Variants in DAB1 observed in about 807,000 individuals in gnomAD.
The protein encoded by DAB1 is DAB adaptor protein 1.
A neutral mutation model predicts 64.6 loss-of-function variants in DAB1; 15 were observed. The ratio of observed to expected loss-of-function variants is 0.23; its 90% CI spans 0.16 to 0.36. The LOEUF (loss-of-function observed/expected upper bound fraction) is 0.36, where lower values mean the gene tolerates loss of function less well. Ranked by LOEUF, DAB1 falls within the 10% of genes least tolerant of loss-of-function variation. DAB1 has a pLI of 1.00. For missense variants in DAB1, 596 were observed against 706.7 expected, an observed-to-expected ratio of 0.84 and a Z score of 1.78; for synonymous variants, 235 against 251.9, an observed-to-expected ratio of 0.93 and a Z score of 0.64.
chr1:57,324,894 C>T (rs1399034444), intron 1 of DAB1, among the ~76,000 whole-genome samples: 3 of 152,238 alleles, frequency 2.0e-5, no homozygotes, highest in Non-Finnish European at 2.9e-5. Context: ...GTTCCAGCCA[C>T]TCTGTGTGTA....
chr1:58,423,536 C>T (rs1003492421), intron 3 of DAB1, among the ~76,000 whole-genome samples: 4 of 152,182 alleles, frequency 2.6e-5, no homozygotes, highest in East Asian at 3.9e-4. Flanking sequence ...GCCATGAGGC[C>T]GACCTCCAAG....
At chr1:57,570,481 A>G (rs532283830) in intron 7 of DAB1, among the ~76,000 whole-genome samples, 3 of 151,976 alleles carry the variant, frequency 2.0e-5, no homozygotes, top group African/African-American at 7.2e-5. Flanking sequence ...AGATTAGTTG[A>G]CTGTAAGTAT....
intron 5 of DAB1, among the ~76,000 whole-genome samples, chr1:58,080,636 G>T (rs981119625): frequency 6.6e-6 from 1 of 152,208 alleles, no homozygotes; most frequent in African/African-American, 2.4e-5. Flanking sequence ...TTTGGGCTGT[G>T]CCTCTCATTC....
At position 57,871,970 on chromosome 1, in the gene DAB1, T is replaced by G. The variant is rs12077887; in HGVS notation, n.87+12029A>C. 9.3e-3 allele frequency among the ~76,000 whole-genome samples: 1,420 copies of G among 152,248 alleles called. 27 individuals are homozygous for G. Among genetic ancestry groups the G allele is most frequent in the African/African-American group, 0.033 (1,367 of 41,542 alleles). Reference sequence around the variant, plus strand: ...AGTCAGACTCTGCTATTTAGGGGACTGTGACTTGGAGCAGGTATTGTATAG... The same window carrying G: ...AGTCAGACTCTGCTATTTAGGGGACGGTGACTTGGAGCAGGTATTGTATAG... On this transcript the variant is annotated intron_variant and non_coding_transcript_variant, in intron 1 of 1. Coordinates refer to the DAB1 transcript ENST00000477280.
intron 9 of DAB1, among the ~76,000 whole-genome samples, chr1:57,051,621 CA>C: frequency 6.6e-6 from 1 of 152,070 alleles, no homozygotes; most frequent in Admixed American, 6.5e-5. Flanking sequence ...TGCAGGGTGG[CA>C]ATATGAGAAT....
intron 5 of DAB1, among the ~76,000 whole-genome samples, chr1:57,991,859 A>AAAG (rs1157796492): frequency 2.7e-5 from 4 of 150,346 alleles, no homozygotes; most frequent in African/African-American, 7.3e-5. Flanking sequence ...AAAAAAAAAA[A>AAAG]AAAAAAAAAA....
intron 3 of DAB1, among the ~76,000 whole-genome samples, chr1:58,433,586 AGAGAGAGAGAGT>A (rs1435915461): frequency 1.1e-4 from 13 of 114,044 alleles, no homozygotes; most frequent in East Asian, 8.0e-4. Context: ...AGAGAGAGAG[AGAGAGAGAGAGT>A]GTGTGTGTGT....
At chr1:58,367,815 T>C (rs892581031) in intron 3 of DAB1, among the ~76,000 whole-genome samples, 5 of 152,184 alleles carry the variant, frequency 3.3e-5, no homozygotes, top group African/African-American at 1.2e-4. Flanking sequence ...GGCTCATTAA[T>C]GCTACTATAT....
chr1:57,778,542 T>C (rs1209203340), intron 6 of DAB1, among the ~76,000 whole-genome samples: 1 of 152,004 alleles, frequency 6.6e-6, no homozygotes, highest in Non-Finnish European at 1.5e-5. Flanking sequence ...TTTCTAGTTG[T>C]TTGTAGTACA....
chr1:57,536,318 G>T (rs1644727348), intron 7 of DAB1, among the ~76,000 whole-genome samples: 1 of 152,178 alleles, frequency 6.6e-6, no homozygotes, highest in Non-Finnish European at 1.5e-5. Flanking sequence ...CAAAAAAGCA[G>T]GACAGATTTC....
chr1:58,526,314 G>C (rs1003643605), intron 2 of DAB1, among the ~76,000 whole-genome samples: 1 of 152,024 alleles, frequency 6.6e-6, no homozygotes, highest in African/African-American at 2.4e-5. Context: ...CTTGATTTAT[G>C]AAATTAAATC....
intron 3 of DAB1, among the ~76,000 whole-genome samples, chr1:58,362,440 C>T (rs1221042620): frequency 6.6e-6 from 1 of 152,184 alleles, no homozygotes; most frequent in African/African-American, 2.4e-5. Context: ...TGAAAAGAAG[C>T]TCAAGTGAGA....
chr1:57,165,926 C>T (rs1002155042), intron 2 of DAB1, among the ~76,000 whole-genome samples: 58 of 152,100 alleles, frequency 3.8e-4, no homozygotes, highest in African/African-American at 1.3e-3. Context: ...AAGGAAGCAC[C>T]GAGGAAGAGT....
chr1:58,167,212 T>C lies in DAB1; in HGVS notation n.310-16624A>G, dbSNP rs112233075. Among the ~76,000 whole-genome samples the C allele has an allele frequency of 7.1e-3, 1,075 of 152,340 alleles. 10 individuals carry two copies. The highest frequency in any genetic ancestry group is 0.025 in the African/African-American group (1,034 of 41,570). ...GGTCAGGTGGGGACTTGGAAAACTTTTGTGTCTAGCTAAAGGATTGTAAAT... is the reference window on the plus strand; with the variant it reads ...GGTCAGGTGGGGACTTGGAAAACTTCTGTGTCTAGCTAAAGGATTGTAAAT... On this transcript the variant is annotated intron_variant and non_coding_transcript_variant, in intron 4 of 20. Transcript: ENST00000485760.
intron 7 of DAB1, among the ~76,000 whole-genome samples, chr1:57,636,094 C>T (rs1646050384): frequency 2.4e-5 from 1 of 41,302 alleles, no homozygotes; most frequent in Non-Finnish European, 7.0e-5. Flanking sequence ...GAGACACGGT[C>T]TCAAAAAAAA....
At chr1:57,951,317 CAT>C (rs150140800) in intron 5 of DAB1, among the ~76,000 whole-genome samples, 18 of 69,724 alleles carry the variant, frequency 2.6e-4, no homozygotes, top group South Asian at 3.5e-4. Context: ...GAGCCTGATT[CAT>C]ATATATATAT....
intron 7 of DAB1, among the ~76,000 whole-genome samples, chr1:57,458,998 G>A (rs1334425342): frequency 6.6e-6 from 1 of 152,020 alleles, no homozygotes; most frequent in Non-Finnish European, 1.5e-5. Context: ...AGAGAAACAT[G>A]TGAGTCAAAA....
chr1:57,626,745 C>T lies in DAB1; in HGVS notation n.625+22847G>A, dbSNP rs559857804. ...CAGATAGCCATCTTTTCACTGTGCC[C>T]CCACATGGCAGAAGAGGTGAGGGAT... On this transcript the variant is annotated intron_variant and non_coding_transcript_variant, in intron 7 of 20. Transcript: ENST00000485760. 5.3e-5 allele frequency among the ~76,000 whole-genome samples: 8 copies of T among 152,208 alleles called. No individual in the cohort carries two copies. In the East Asian group the frequency reaches 5.8e-4, roughly 11 times the overall value.
intron 5 of DAB1, among the ~76,000 whole-genome samples, chr1:57,916,912 C>T (rs1224424655): frequency 3.3e-5 from 5 of 151,406 alleles, no homozygotes; most frequent in Non-Finnish European, 5.9e-5. Flanking sequence ...CACTGCACTC[C>T]AGCCTGGGTG....
Sources: allele counts gnomAD v4.1 joint callset (sites outside exome capture counted in the v4.1 genomes callset), GRCh38; gene constraint gnomAD v4.1.1; transcripts MANE v1.5; gene names NCBI Gene and HGNC (gene_info 2026-07-23, HGNC 2026-07-21).